Variants in ZBTB5 observed in about 807,000 individuals in gnomAD.
The protein encoded by ZBTB5 is zinc finger and BTB domain containing 5, also known as zinc finger and BTB domain-containing protein 5.
In ZBTB5, 15 loss-of-function variants were observed where a neutral mutation model predicts 37.9. The ratio of observed to expected loss-of-function variants is 0.40; its 90% CI spans 0.26 to 0.61. The LOEUF (loss-of-function observed/expected upper bound fraction) is 0.61, where lower values mean the gene tolerates loss of function less well. Among genes scored for constraint, ZBTB5 ranks in the 20% least tolerant of loss-of-function variants. The probability of loss-of-function intolerance (pLI) is 0.47; values close to 1 mark genes in which losing one functional copy is unlikely to be tolerated. For synonymous variants in ZBTB5, 315 were observed against 312.4 expected (o/e 1.01, Z -0.09); for missense variants, 708 against 856.8 (o/e 0.83, Z 2.17).
At chr9:37,455,340 C>G (rs1391707334) in intron 1 of ZBTB5, among the ~76,000 whole-genome samples, 1 of 152,150 alleles carries the variant, frequency 6.6e-6, no homozygotes, top group Non-Finnish European at 1.5e-5. Context: ...TTCCAGCTCC[C>G]CATCCATCCC....
intron 1 of ZBTB5, among the ~76,000 whole-genome samples, chr9:37,458,276 T>G (rs1283846257): frequency 6.6e-6 from 1 of 152,222 alleles, no homozygotes; most frequent in African/African-American, 2.4e-5. Context: ...TCCCTACATC[T>G]GTTATTAAGT....
At chr9:37,456,224 TACAGCCG>T (rs764217225) in intron 1 of ZBTB5, among the ~76,000 whole-genome samples, 2 of 152,144 alleles carry the variant, frequency 1.3e-5, no homozygotes, top group Non-Finnish European at 2.9e-5. Flanking sequence ...GTGCTGGGAT[TACAGCCG>T]TGAGCCACCC....
intron 1 of ZBTB5, among the ~76,000 whole-genome samples, chr9:37,461,268 A>G (rs1214378149): frequency 1.3e-5 from 2 of 152,232 alleles, no homozygotes; most frequent in African/African-American, 2.4e-5. Flanking sequence ...AGACTAAACC[A>G]TAAGGACTAT....
chr9:37,454,910 A>G (rs1175583920), intron 1 of ZBTB5, among the ~76,000 whole-genome samples: 3 of 152,244 alleles, frequency 2.0e-5, no homozygotes, highest in Admixed American at 6.5e-5. Flanking sequence ...CCCAATCTAG[A>G]TAAAACCCTA....
At chr9:37,444,524 G>C (rs1823942275) in intron 1 of ZBTB5, among the ~76,000 whole-genome samples, 1 of 152,056 alleles carries the variant, frequency 6.6e-6, no homozygotes, top group African/African-American at 2.4e-5. Flanking sequence ...TTTAAATTTT[G>C]AGAACTGAAG....
chr9:37,452,952 G>C (rs1410725557), intron 1 of ZBTB5, among the ~76,000 whole-genome samples: 1 of 152,178 alleles, frequency 6.6e-6, no homozygotes, highest in Non-Finnish European at 1.5e-5. Context: ...AGGGATCAAG[G>C]GGATCTGGTC....
intron 1 of ZBTB5, among the ~76,000 whole-genome samples, chr9:37,462,835 A>G (rs749301877): frequency 5.3e-5 from 8 of 152,146 alleles, no homozygotes; most frequent in Non-Finnish European, 8.8e-5. Context: ...AATTGCAGTA[A>G]TTACAGGCGT....
At chr9:37,448,962 T>G (rs1161359391) in intron 1 of ZBTB5, among the ~76,000 whole-genome samples, 2 of 151,544 alleles carry the variant, frequency 1.3e-5, no homozygotes, top group Non-Finnish European at 3.0e-5. Context: ...GAGAATCGCT[T>G]GAACCCAGAA....
At chr9:37,445,050 TAAAAA>T (rs367824833) in intron 1 of ZBTB5, among the ~76,000 whole-genome samples, 1 of 149,246 alleles carries the variant, frequency 6.7e-6, no homozygotes, top group African/African-American at 2.5e-5. Context: ...GATAGGTCAT[TAAAAA>T]AAACAAGAAG....
chr9:37,449,987 CATA>C (rs1383921139), intron 1 of ZBTB5, among the ~76,000 whole-genome samples: 2 of 152,078 alleles, frequency 1.3e-5, no homozygotes, highest in African/African-American at 2.4e-5. Flanking sequence ...AGCCCATTTG[CATA>C]ATAAGATTAG....
chr9:37,448,074 T>G (rs796334038), intron 1 of ZBTB5, among the ~76,000 whole-genome samples: 2 of 152,088 alleles, frequency 1.3e-5, no homozygotes, highest in African/African-American at 4.8e-5. Context: ...CAGGGGATCT[T>G]TGAAAAGAGG....
rs760565359 is a variant in ZBTB5, at chr9:37,440,629, G to A, written c.1923C>T (p.Tyr641=). Residue 641 remains tyrosine (Y), a synonymous_variant, in exon 2 of 2, where the codon TAC becomes TAT. Coordinates refer to ENST00000307750, the MANE Select transcript of ZBTB5 (RefSeq NM_014872.3). The part of the protein sequence containing the change: ...HIRVHTGEKP[Y]ACLKCGKRFS... ...ACCTCTTGCCACACTTCAGGCAGGC[G>A]TAAGGCTTTTCACCTGTGTGAACAC... The A allele has an allele frequency of 4.0e-5, 64 of 1,614,130 alleles. 1 individual carries two copies. The South Asian group carries it at 4.6e-4, about 12-fold the overall frequency.
At chr9:37,451,981 C>A (rs1338618690) in intron 1 of ZBTB5, among the ~76,000 whole-genome samples, 1 of 152,180 alleles carries the variant, frequency 6.6e-6, no homozygotes. Context: ...GGGGAAGTTG[C>A]AACTCTTATG....
Position 37,441,599 on chromosome 9 carries a change from C to A in ZBTB5, c.953G>T (p.Gly318Val). ...SSFQCENPEV[G>V]LGEKEHMRVV... ...TCTCATGTGCTCCTTCTCACCAAGG[C>A]CAACCTCAGGGTTTTCACACTGAAA... Residue 318 changes from glycine (G) to valine (V), a missense_variant, in exon 2 of 2, where the codon GGC (glycine) becomes GTC (valine). Around this residue, in one of 3 missense-constraint regions of ZBTB5, gnomAD observed 639 missense variants for 690.5 expected, o/e 0.93. Transcript: ENST00000307750. 1 of 1,613,056 alleles carries A rather than the reference C, an allele frequency of 6.2e-7. No homozygotes were observed. The highest frequency in any genetic ancestry group is 1.3e-5 in the African/African-American group (1 of 74,860).
rs566663647 is a variant in ZBTB5, at chr9:37,442,368, T to C, written c.184A>G (p.Met62Val). The C allele has an allele frequency of 1.1e-5, 18 of 1,614,166 alleles. No homozygotes were observed. In the South Asian group the frequency reaches 2.0e-4, roughly 18 times the overall value. ...LFSVAEGDQTMNMIQLDSEVV... is the reference protein window; with the variant it reads ...LFSVAEGDQTVNMIQLDSEVV... The stretch of plus-strand genomic sequence containing the variant: ...TCGCTATCCAGCTGGATCATGTTCA[T>C]GGTCTGATCTCCTTCTGCCACTGAG... The change falls in exon 2 of 2, where the codon ATG becomes GTG. Residue 62 changes from methionine (M) to valine (V), a missense_variant. Coordinates refer to ENST00000307750, the MANE Select transcript of ZBTB5 (RefSeq NM_014872.3).
Position 37,441,038 on chromosome 9 carries a change from T to C in ZBTB5, c.1514A>G (p.Asp505Gly). 1 of 1,614,130 alleles carries C rather than the reference T, an allele frequency of 6.2e-7. No homozygotes were observed. The highest frequency in any genetic ancestry group is 1.3e-5 in the African/African-American group (1 of 75,040). Reference sequence around the variant, plus strand: ...GAGGCCCAAACCAGACCTGGAAAAGTCCATCCCAAACTGTTCTCCTCCTTG... The same window carrying C: ...GAGGCCCAAACCAGACCTGGAAAAGCCCATCCCAAACTGTTCTCCTCCTTG... ...GYQGGEQFGM[D>G]FSRSGLGLHS... is the part of the protein sequence containing the mutation. Residue 505 changes from aspartate to glycine, a missense_variant, in exon 2 of 2, where the codon GAC (aspartate) becomes GGC (glycine). Asp to Gly is a moderately conservative substitution (Grantham distance 94, BLOSUM62 -1). Coordinates refer to ENST00000307750, the MANE Select transcript of ZBTB5 (RefSeq NM_014872.3).
At chr9:37,464,927 C>A (rs1222669670) in intron 1 of ZBTB5, among the ~76,000 whole-genome samples, 2 of 152,240 alleles carry the variant, frequency 1.3e-5, no homozygotes, top group Non-Finnish European at 2.9e-5. Context: ...CCTTTCCCAC[C>A]CCATTCGGGA....
chr9:37,441,363 C>T lies in ZBTB5; in HGVS notation c.1189G>A (p.Val397Ile). 6.2e-7 allele frequency: 1 copy of T among 1,614,120 alleles called. No individual in the cohort carries two copies. The highest frequency in any genetic ancestry group is 1.6e-4 in the Middle Eastern group (1 of 6,062). Residue 397 changes from valine (V) to isoleucine (I), a missense_variant, in exon 2 of 2, where the codon GTC becomes ATC. Val to Ile is a conservative substitution (Grantham distance 29, BLOSUM62 3). Coordinates refer to ENST00000307750, the MANE Select transcript of ZBTB5 (RefSeq NM_014872.3). ...GACTTATGCTCTAGGTTATTTGTGA[C>T]TTCCAAAATATGGATATCACCTACC... ...DRVGDIHILE[V>I]TNNLEHKSTF... is the part of the protein sequence containing the mutation.
At chr9:37,454,985 G>C (rs1564313275) in intron 1 of ZBTB5, among the ~76,000 whole-genome samples, 2 of 152,194 alleles carry the variant, frequency 1.3e-5, no homozygotes, top group East Asian at 3.8e-4. Context: ...CAGGAGACAG[G>C]GAAATGCTGG....
Sources: gnomAD v4.1 joint callset for allele counts (sites outside exome capture counted in the v4.1 genomes callset) on GRCh38, gnomAD v4.1.1 for gene constraint, gnomAD v4.1.1 regional missense constraint, MANE v1.5 for transcripts, NCBI Gene and HGNC (gene_info 2026-07-23, HGNC 2026-07-21) for gene names.